The following BNC2 variants were observed in gnomAD, a reference collection of about 807,000 sequenced individuals.
BNC2 encodes the protein basonuclin zinc finger protein 2.
BNC2 carries 20 observed loss-of-function variants against 76.3 expected under a neutral mutation model. That is an observed-to-expected ratio of 0.26 (90% CI 0.18 to 0.38). The LOEUF (loss-of-function observed/expected upper bound fraction) is 0.38, where lower values mean the gene tolerates loss of function less well. Ranked by LOEUF, BNC2 falls within the 10% of genes least tolerant of loss-of-function variation. The probability of loss-of-function intolerance (pLI) is 1.00; values close to 1 mark genes in which losing one functional copy is unlikely to be tolerated. For missense variants in BNC2, 1,382 were observed against 1,399.8 expected (o/e 0.99, Z 0.20); for synonymous variants, 582 against 514.8 (o/e 1.13, Z -1.77).
At chr9:16,437,670 G>T (rs1821047391) in intron 5 of BNC2, 146 bp from the exon 6 acceptor site, 1 of 975,392 alleles carries the variant, frequency 1.0e-6, no homozygotes, top group African/African-American at 1.6e-5. Context: ...GTTAATAAAA[G>T]TCAACCCACA....
At chr9:16,636,147 A>G (rs926524923) in intron 3 of BNC2, among the ~76,000 whole-genome samples, 8 of 152,160 alleles carry the variant, frequency 5.3e-5, no homozygotes, top group Non-Finnish European at 1.0e-4. Context: ...ACCAGCAGAC[A>G]CTCAAAGGCT....
At chr9:16,738,252 A>G in intron 2 of BNC2, 108 bp downstream of exon 2, 1 of 1,233,858 alleles carries the variant, frequency 8.1e-7, no homozygotes, top group African/African-American at 1.5e-5. Flanking sequence ...TATGAAAGAC[A>G]GTAAAAGAGT....
At chr9:16,489,551 T>G (rs1311566332) in intron 5 of BNC2, among the ~76,000 whole-genome samples, 1 of 152,220 alleles carries the variant, frequency 6.6e-6, no homozygotes, top group African/African-American at 2.4e-5. Context: ...ATGGTTTACA[T>G]AAATGTGTTG....
intron 1 of BNC2, among the ~76,000 whole-genome samples, chr9:16,868,403 C>T (rs915120603): frequency 7.0e-5 from 8 of 114,054 alleles, no homozygotes; most frequent in African/African-American, 3.7e-4. Flanking sequence ...TCACATATCT[C>T]TATCTGACAG....
At chr9:16,766,045 CCAAAGTGCTGGGATTACAGG>C (rs1825683588) in intron 1 of BNC2, among the ~76,000 whole-genome samples, 1 of 152,086 alleles carries the variant, frequency 6.6e-6, no homozygotes, top group Non-Finnish European at 1.5e-5. Flanking sequence ...CCTTGGCCTC[CCAAAGTGCTGGGATTACAGG>C]CGTGAGCCAC....
At chr9:16,799,297 G>C (rs2135735743) in intron 1 of BNC2, among the ~76,000 whole-genome samples, 1 of 152,022 alleles carries the variant, frequency 6.6e-6, no homozygotes, top group Admixed American at 6.6e-5. Flanking sequence ...TCTGCAGAAA[G>C]TATTTACTTT....
At chr9:16,570,041 G>A (rs528432272) in intron 4 of BNC2, among the ~76,000 whole-genome samples, 4 of 152,108 alleles carry the variant, frequency 2.6e-5, no homozygotes, top group Non-Finnish European at 2.9e-5. Flanking sequence ...ACAAAAATAC[G>A]AATTCTTCTG....
At chr9:16,555,116 T>G (rs1329835918) in intron 4 of BNC2, among the ~76,000 whole-genome samples, 1 of 151,986 alleles carries the variant, frequency 6.6e-6, no homozygotes, top group Non-Finnish European at 1.5e-5. Context: ...GCCTCCCAGT[T>G]TCACGCCATT....
At chr9:16,461,633 G>A (rs892767555) in intron 5 of BNC2, among the ~76,000 whole-genome samples, 4 of 151,966 alleles carry the variant, frequency 2.6e-5, no homozygotes, top group Non-Finnish European at 4.4e-5. Flanking sequence ...GAGGTTTCGG[G>A]TATCACAGGT....
chr9:16,752,449 C>G (rs1043939104), intron 1 of BNC2, among the ~76,000 whole-genome samples: 2 of 152,146 alleles, frequency 1.3e-5, no homozygotes, highest in African/African-American at 4.8e-5. Flanking sequence ...GTAGTTAAGT[C>G]AAATGAGACG....
intron 1 of BNC2, among the ~76,000 whole-genome samples, chr9:16,829,378 G>C (rs1273221851): frequency 2.0e-5 from 3 of 152,158 alleles, no homozygotes; most frequent in African/African-American, 7.2e-5. Context: ...GCATACTCAA[G>C]CACTCTTTTT....
intron 5 of BNC2, among the ~76,000 whole-genome samples, chr9:16,442,112 T>G (rs893524052): frequency 6.6e-6 from 1 of 152,170 alleles, no homozygotes; most frequent in African/African-American, 2.4e-5. Context: ...ACCCTTCAGG[T>G]TGAAAAATGT....
chr9:16,752,311 A>G (rs954983906), intron 1 of BNC2, among the ~76,000 whole-genome samples: 2 of 152,214 alleles, frequency 1.3e-5, no homozygotes, highest in Admixed American at 6.5e-5. Flanking sequence ...TCCTTTTTAG[A>G]TAGTCCAAAG....
At chr9:16,792,515 G>C (rs1376412585) in intron 1 of BNC2, among the ~76,000 whole-genome samples, 2 of 152,176 alleles carry the variant, frequency 1.3e-5, no homozygotes, top group African/African-American at 2.4e-5. Context: ...CAGGTTTCTG[G>C]CAAAAGAACA....
At chr9:16,527,004 G>C (rs1453501902) in intron 5 of BNC2, among the ~76,000 whole-genome samples, 1 of 152,204 alleles carries the variant, frequency 6.6e-6, no homozygotes, top group Non-Finnish European at 1.5e-5. Context: ...GCTAGGTTGA[G>C]ACCTAAATGC....
intron 2 of BNC2, among the ~76,000 whole-genome samples, chr9:16,729,542 T>TAA (rs3083822): frequency 0.048 from 7,311 of 152,228 alleles, 576 homozygotes; most frequent in African/African-American, 0.17. Context: ...GCTTTTCTGT[T>TAA]AAACTTCCCT....
intron 5 of BNC2, among the ~76,000 whole-genome samples, chr9:16,517,178 G>C (rs1817468150): frequency 6.6e-6 from 1 of 152,196 alleles, no homozygotes; most frequent in African/African-American, 2.4e-5. Context: ...TTGTGTATAA[G>C]GTTCTGTGTG....
intron 1 of BNC2, among the ~76,000 whole-genome samples, chr9:16,746,495 C>T (rs917295849): frequency 6.6e-6 from 1 of 151,886 alleles, no homozygotes; most frequent in African/African-American, 2.4e-5. Context: ...TCCAGAGTTG[C>T]TGGGATTACA....
chr9:16,696,292 T>A (rs1055939607), intron 3 of BNC2, among the ~76,000 whole-genome samples: 2 of 152,186 alleles, frequency 1.3e-5, no homozygotes, highest in Admixed American at 6.5e-5. Flanking sequence ...TCCAGCTTTA[T>A]CTTCTCCTCC....
Sources: allele counts gnomAD v4.1 joint callset (sites outside exome capture counted in the v4.1 genomes callset), GRCh38; gene constraint gnomAD v4.1.1; transcripts MANE v1.5; gene names NCBI Gene and HGNC (gene_info 2026-07-23, HGNC 2026-07-21).